MANEA: variants seen among roughly 807,000 people sequenced by gnomAD.
MANEA encodes the protein glycoprotein endo-alpha-1,2-mannosidase.
Under a neutral mutation model 36.8 loss-of-function variants are expected in MANEA, and 25 were observed. The ratio of observed to expected loss-of-function variants is 0.68; its 90% CI spans 0.50 to 0.95. The LOEUF is 0.95. Ranked by LOEUF, MANEA falls within the 40% of genes least tolerant of loss-of-function variation. The pLI is 0.00. For synonymous variants in MANEA, 198 were observed against 188.5 expected, an observed-to-expected ratio of 1.05 and a Z score of -0.41; for missense variants, 565 against 558.8, an observed-to-expected ratio of 1.01 and a Z score of -0.11.
chr6:95,586,960 GAC>G lies in MANEA; in HGVS notation c.523_524del (p.Gln175AsnfsTer17). 6.2e-7 allele frequency: 1 copy of G among 1,608,416 alleles called. No homozygotes were observed. Among genetic ancestry groups the G allele is most frequent in the Non-Finnish European group, 8.5e-7 (1 of 1,175,880 alleles). On this transcript the variant is annotated frameshift_variant, in exon 2 of 5. Coordinates refer to ENST00000358812, the MANE Select transcript of MANEA (RefSeq NM_024641.4). LOFTEE classifies it high-confidence loss of function. ...CCTTCTGTCATAGAAACTCACATGA[GAC>G]AAATGCGCTCAGCTTCAATTGGTAA...
At chr6:95,592,828 A>G (rs541474476) in intron 2 of MANEA, among the ~76,000 whole-genome samples, 4 of 152,340 alleles carry the variant, frequency 2.6e-5, no homozygotes, top group Non-Finnish European at 5.9e-5. Context: ...ATACTCATCT[A>G]TCAAATAACA....
At chr6:95,595,096 C>G (rs1769459440) in intron 2 of MANEA, among the ~76,000 whole-genome samples, 1 of 152,048 alleles carries the variant, frequency 6.6e-6, no homozygotes, top group Non-Finnish European at 1.5e-5. Flanking sequence ...GAATGTTTTG[C>G]TTATAATTTT....
rs779287955 is a variant in MANEA, at chr6:95,596,841, C to T, written c.649C>T (p.Leu217=). 6.8e-6 allele frequency: 10 copies of T among 1,465,518 alleles called. No individual in the cohort carries two copies. Among genetic ancestry groups the T allele is most frequent in the Non-Finnish European group, 9.6e-6 (10 of 1,047,046 alleles). The allele number at this position is 1,465,518 out of a possible 1,614,324, so 90.8% of individuals were successfully genotyped here. ...TILDKAHKYN[L]KVTFHIEPYS... Reference sequence around the variant, plus strand: ...TTTGGATAAAGCTCATAAATATAACCTAAAGGTATTTTATTTTATTTTCAA... The same window carrying T: ...TTTGGATAAAGCTCATAAATATAACTTAAAGGTATTTTATTTTATTTTCAA... The change falls in exon 3 of 5, where the codon CTA becomes TTA. Residue 217 remains leucine (L), a synonymous_variant. Coordinates refer to ENST00000358812, the MANE Select transcript of MANEA (RefSeq NM_024641.4).
Position 95,586,513 on chromosome 6 carries a change from G to T in MANEA, c.74G>T (p.Gly25Val), listed in dbSNP as rs768285465. ...FILFIFSLMM[G>V]LKMLRPNTAT... Reference sequence around the variant, plus strand: ...CTATTTATTTTCTCTCTGATGATGGGTTTAAAAATGCTGAGACCAAATACA... The same window carrying T: ...CTATTTATTTTCTCTCTGATGATGGTTTTAAAAATGCTGAGACCAAATACA... The change falls in exon 2 of 5, where the codon GGT becomes GTT. Residue 25 changes from glycine (G) to valine (V), a missense_variant. By Grantham distance (109) the Gly-to-Val change is moderately radical. Transcript: ENST00000358812. 1.9e-6 allele frequency: 3 copies of T among 1,613,876 alleles called. No individual in the cohort carries two copies. Among genetic ancestry groups the T allele is most frequent in the Non-Finnish European group, 2.5e-6 (3 of 1,179,880 alleles).
At chr6:95,601,271 T>A in intron 3 of MANEA, among the ~76,000 whole-genome samples, 1 of 152,140 alleles carries the variant, frequency 6.6e-6, no homozygotes, top group Non-Finnish European at 1.5e-5. Flanking sequence ...AACGGAACAA[T>A]TTTTTGAGTA....
intron 2 of MANEA, among the ~76,000 whole-genome samples, chr6:95,593,742 G>A (rs1769431737): frequency 6.6e-6 from 1 of 152,028 alleles, no homozygotes; most frequent in African/African-American, 2.4e-5. Flanking sequence ...GAATGGAGAT[G>A]ATAGTATAAA....
In MANEA at chr6:95,595,213, C is replaced by G. The variant is rs192210352; in HGVS notation, c.545-1524C>G. 2.8e-3 allele frequency among the ~76,000 whole-genome samples: 432 copies of G among 152,084 alleles called. 1 individual carries two copies. The highest frequency in any genetic ancestry group is 0.02 in the Middle Eastern group (6 of 294). On this transcript the variant is annotated intron_variant, in intron 2 of 4. Transcript: ENST00000358812. ...TTTCGTAGGTCCCATGTTGAGAAAA[C>G]TTTTTGTTGTCATTCTTATTTTCAT...
chr6:95,605,015 T>C (rs972046975), intron 4 of MANEA, 112 bp downstream of exon 4: 26 of 411,232 alleles, frequency 6.3e-5, no homozygotes, highest in African/African-American at 5.2e-4. Flanking sequence ...GATTATTCCA[T>C]TTTTAATAAA....
chr6:95,580,686 C>G (rs5000127), intron 1 of MANEA, among the ~76,000 whole-genome samples: 3 of 147,208 alleles, frequency 2.0e-5, no homozygotes, highest in African/African-American at 5.1e-5. Flanking sequence ...GATAGTGCCA[C>G]TGCACTCCAG....
chr6:95,598,481 T>C (rs1769524741), intron 3 of MANEA, among the ~76,000 whole-genome samples: 1 of 152,140 alleles, frequency 6.6e-6, no homozygotes, highest in Non-Finnish European at 1.5e-5. Flanking sequence ...GACTCTGTAC[T>C]TCTATATATG....
intron 1 of MANEA, among the ~76,000 whole-genome samples, chr6:95,578,530 CGTT>C (rs1230358797): frequency 9.2e-5 from 14 of 152,188 alleles, no homozygotes; most frequent in Admixed American, 7.8e-4. Flanking sequence ...TACTGTATCA[CGTT>C]GTTTGCAAAT....
chr6:95,607,095 ATT>A lies in MANEA; in HGVS notation c.*692_*693del, dbSNP rs1269385837. 1 of 152,072 alleles carries A rather than the reference ATT, an allele frequency of 6.6e-6. No homozygotes were observed. The highest frequency in any genetic ancestry group is 1.5e-5 in the Non-Finnish European group (1 of 67,992). The allele number at this position is 152,072 out of a possible 1,614,324, so 9.4% of individuals were successfully genotyped here. A position where few individuals can be genotyped will look rare whatever the true frequency, so the allele number is the denominator to read the frequency against. On this transcript the variant is annotated 3_prime_UTR_variant, in exon 5 of 5. Coordinates refer to ENST00000358812, the MANE Select transcript of MANEA (RefSeq NM_024641.4). ...CTACAGCACAGTGTGTCATTTGCAG[ATT>A]TGTGGTTACCTATACCACGCTAGGT...
chr6:95,591,081 C>A (rs567536232), intron 2 of MANEA, among the ~76,000 whole-genome samples: 1 of 152,284 alleles, frequency 6.6e-6, no homozygotes, highest in East Asian at 1.9e-4. Context: ...GCCGATGGGT[C>A]ATAGTTTGCT....
intron 3 of MANEA, 24 bp downstream of exon 3, chr6:95,596,870 A>G: frequency 8.3e-7 from 1 of 1,204,238 alleles, no homozygotes; most frequent in East Asian, 2.3e-5. Flanking sequence ...TTTTCAAGCT[A>G]TACATAAGTT....
chr6:95,605,998 G>C lies in MANEA; in HGVS notation c.982G>C (p.Gly328Arg). ...AATTTACACATATTTTGCCACAAAT[G>C]GCTTTACTTATGGCTCATCACATCA... is the stretch of plus-strand genomic sequence containing the variant. ...DGIYTYFATNGFTYGSSHQNW... is the reference protein window; with the variant it reads ...DGIYTYFATNRFTYGSSHQNW... The change falls in exon 5 of 5, where the codon GGC becomes CGC. Residue 328 changes from glycine (G) to arginine (R), a missense_variant. Physicochemically the swap from Gly to Arg is moderately radical, Grantham distance 125. Coordinates refer to ENST00000358812, the MANE Select transcript of MANEA (RefSeq NM_024641.4). 1 of 1,613,890 alleles carries C rather than the reference G, an allele frequency of 6.2e-7. No homozygotes were observed. Among genetic ancestry groups the C allele is most frequent in the Non-Finnish European group, 8.5e-7 (1 of 1,179,924 alleles).
At chr6:95,593,954 C>T (rs750543777) in intron 2 of MANEA, among the ~76,000 whole-genome samples, 1 of 151,770 alleles carries the variant, frequency 6.6e-6, no homozygotes, top group Non-Finnish European at 1.5e-5. Context: ...TATCTGTAAT[C>T]GATAGAATGA....
chr6:95,588,336 T>A (rs920077702), intron 2 of MANEA: 1 of 152,078 alleles, frequency 6.6e-6, no homozygotes, highest in African/African-American at 2.4e-5. Flanking sequence ...AATGTAGAAT[T>A]CTATGAATCT....
At chr6:95,593,986 T>C (rs373222933) in intron 2 of MANEA, among the ~76,000 whole-genome samples, 12 of 151,692 alleles carry the variant, frequency 7.9e-5, no homozygotes, top group Non-Finnish European at 1.8e-4. Flanking sequence ...CACTTGAACC[T>C]GGGAGGCGGA....
In MANEA at chr6:95,604,061, GGTGTGT is replaced by G. The variant is rs71012509; in HGVS notation, c.655-737_655-732del. ...GTATGTGTGCGTATATATGTATGTA[GGTGTGT>G]GTGTGTGTGTGTGTGTGTGTGTGTG... On this transcript the variant is annotated intron_variant, in intron 3 of 4. Coordinates refer to ENST00000358812, the MANE Select transcript of MANEA (RefSeq NM_024641.4). Among the ~76,000 whole-genome samples the G allele has an allele frequency of 2.2e-4, 31 of 138,388 alleles. No individual in the cohort carries two copies. In the South Asian group the frequency reaches 2.6e-3, roughly 12 times the overall value. The allele number at this position is 138,388 out of a possible 152,430, so 90.8% of individuals were successfully genotyped here. A position where few individuals can be genotyped will look rare whatever the true frequency, so the allele number is the denominator to read the frequency against.
Sources: gnomAD v4.1 joint callset for allele counts (sites outside exome capture counted in the v4.1 genomes callset) on GRCh38, gnomAD v4.1.1 for gene constraint, MANE v1.5 for transcripts, NCBI Gene and HGNC (gene_info 2026-07-23, HGNC 2026-07-21) for gene names.